Variants in KLHL5 observed in about 807,000 individuals in gnomAD.
KLHL5 encodes kelch like family member 5, also known as kelch-like protein 5.
In KLHL5, 48 loss-of-function variants were observed where a neutral mutation model predicts 77.7. That is an observed-to-expected ratio of 0.62 (90% confidence interval 0.49 to 0.79). The LOEUF (loss-of-function observed/expected upper bound fraction) is 0.79, where lower values mean the gene tolerates loss of function less well. Ranked by LOEUF, KLHL5 falls within the 30% of genes least tolerant of loss-of-function variation. The pLI is 0.00. For synonymous variants in KLHL5, 260 were observed against 297.0 expected (o/e 0.88, Z 1.28); for missense variants, 723 against 859.7 (o/e 0.84, Z 1.99).
At chr4:39,105,571 A>G (rs918321764) in intron 7 of KLHL5, among the ~76,000 whole-genome samples, 51 of 151,814 alleles carry the variant, frequency 3.4e-4, no homozygotes, top group Admixed American at 1.4e-3. Context: ...AGATATACAT[A>G]TATCATAAAC....
intron 5 of KLHL5, among the ~76,000 whole-genome samples, chr4:39,093,947 A>G (rs923365453): frequency 1.3e-5 from 2 of 152,140 alleles, no homozygotes; most frequent in African/African-American, 4.8e-5. Flanking sequence ...TCTTTATTGA[A>G]TATAATAAAA....
At chr4:39,044,959 G>C, upstream of KLHL5, 1 of 833,432 alleles carries the variant, frequency 1.2e-6, no homozygotes, top group Non-Finnish European at 1.3e-6. Context: ...GGATGAGGCT[G>C]CCCGGACAGG....
intron 5 of KLHL5, among the ~76,000 whole-genome samples, chr4:39,088,002 G>A (rs528543947): frequency 1.3e-5 from 2 of 152,288 alleles, no homozygotes; most frequent in East Asian, 1.9e-4. Context: ...TGCATGTGTT[G>A]ATGATAATTC....
intron 1 of KLHL5, among the ~76,000 whole-genome samples, chr4:39,066,496 G>A (rs1717902897): frequency 6.6e-6 from 1 of 152,078 alleles, no homozygotes; most frequent in African/African-American, 2.4e-5. Context: ...AAGTACAGAT[G>A]CCTCCTGACA....
Position 39,125,087 on chromosome 4 carries a change from T to C in KLHL5, c.*4021T>C, listed in dbSNP as rs1437609472. Among the ~76,000 whole-genome samples, 8 of 152,110 alleles carry C rather than the reference T, an allele frequency of 5.3e-5. No individual in the cohort carries two copies. On this transcript the variant is annotated 3_prime_UTR_variant, in exon 11 of 11. Coordinates refer to ENST00000504108, the MANE Select transcript of KLHL5 (RefSeq NM_015990.5). Reference sequence around the variant, plus strand: ...AAGCACTCAACCTCATCAGTCATTATGCAAATCAGCGCCACAAGAAGATAC... The same window carrying C: ...AAGCACTCAACCTCATCAGTCATTACGCAAATCAGCGCCACAAGAAGATAC...
At chr4:39,118,832 A>T (rs1175951472) in intron 10 of KLHL5, among the ~76,000 whole-genome samples, 1 of 152,166 alleles carries the variant, frequency 6.6e-6, no homozygotes, top group African/African-American at 2.4e-5. Flanking sequence ...AAAGATGAGA[A>T]TTTGAGTGTA....
At chr4:39,117,398 C>A (rs1004511473) in intron 10 of KLHL5, among the ~76,000 whole-genome samples, 3 of 151,990 alleles carry the variant, frequency 2.0e-5, no homozygotes, top group African/African-American at 7.2e-5. Context: ...AACTTTCAAC[C>A]AAGAGAATGA....
At chr4:39,075,195 G>A (rs1718895890) in intron 1 of KLHL5, among the ~76,000 whole-genome samples, 1 of 152,050 alleles carries the variant, frequency 6.6e-6, no homozygotes, top group South Asian at 2.1e-4. Flanking sequence ...GCTGGGCGTG[G>A]TGGTGCAAGC....
At chr4:39,109,805 T>G (rs1722323219) in intron 8 of KLHL5, among the ~76,000 whole-genome samples, 1 of 151,492 alleles carries the variant, frequency 6.6e-6, no homozygotes, top group Non-Finnish European at 1.5e-5. Flanking sequence ...TGCCTCAGCC[T>G]CCCAAGTATC....
chr4:39,066,787 C>G (rs1303223369), intron 1 of KLHL5, among the ~76,000 whole-genome samples: 1 of 152,152 alleles, frequency 6.6e-6, no homozygotes, highest in Non-Finnish European at 1.5e-5. Context: ...GTCTTCACAA[C>G]AAATTCTTGA....
chr4:39,099,915 T>C (rs1321014147), intron 6 of KLHL5, among the ~76,000 whole-genome samples: 2 of 152,218 alleles, frequency 1.3e-5, no homozygotes, highest in Non-Finnish European at 2.9e-5. Flanking sequence ...ACTTATTAAG[T>C]ATCATCTGTG....
intron 2 of KLHL5, among the ~76,000 whole-genome samples, chr4:39,080,655 G>T (rs957680860): frequency 6.6e-6 from 1 of 151,700 alleles, no homozygotes; most frequent in Admixed American, 6.6e-5. Flanking sequence ...AAAACAAAAT[G>T]CAGACTAAGA....
chr4:39,112,901 A>T, intron 8 of KLHL5, 119 bp from the exon 9 acceptor site: 1 of 775,266 alleles, frequency 1.3e-6, no homozygotes, highest in Non-Finnish European at 2.1e-6. Flanking sequence ...ACACATTGAC[A>T]GTGTGTTTTA....
downstream of KLHL5, among the ~76,000 whole-genome samples, chr4:39,130,026 T>C (rs893391843): frequency 4.6e-5 from 7 of 152,168 alleles, no homozygotes; most frequent in African/African-American, 1.2e-4. Context: ...TACAGTGTCA[T>C]GGTAGGATTA....
At chr4:39,093,056 C>T (rs923237290) in intron 5 of KLHL5, 14 of 455,244 alleles carry the variant, frequency 3.1e-5, no homozygotes, top group African/African-American at 2.8e-4. Context: ...CATAAACGTT[C>T]TTGGCAGCTT....
At chr4:39,102,395 AAAAAG>A in intron 6 of KLHL5, among the ~76,000 whole-genome samples, 1 of 151,330 alleles carries the variant, frequency 6.6e-6, no homozygotes, top group South Asian at 2.1e-4. Flanking sequence ...AAAAAAAAAA[AAAAAG>A]AAAAGAAAAA....
At chr4:39,107,313 G>A (rs1024578931) in intron 7 of KLHL5, among the ~76,000 whole-genome samples, 4 of 152,002 alleles carry the variant, frequency 2.6e-5, no homozygotes, top group South Asian at 2.1e-4. Context: ...CTCCCAAACC[G>A]CTGAGATTAC....
chr4:39,129,559 G>A (rs796969652), downstream of KLHL5, among the ~76,000 whole-genome samples: 17 of 152,246 alleles, frequency 1.1e-4, no homozygotes, highest in African/African-American at 3.9e-4. This position sits in a 1 kb window ranked among gnomAD's most constrained non-coding sequence, Gnocchi z 4.2. Context: ...TGTTACATAG[G>A]TATATTGTGT....
intron 2 of KLHL5, among the ~76,000 whole-genome samples, chr4:39,079,720 A>G (rs1719433641): frequency 6.6e-6 from 1 of 152,164 alleles, no homozygotes; most frequent in African/African-American, 2.4e-5. Context: ...TCTAAATGTA[A>G]GACTCCATAA....
Sources: gnomAD v4.1 joint callset for allele counts (sites outside exome capture counted in the v4.1 genomes callset) on GRCh38, gnomAD v4.1.1 for gene constraint, Gnocchi (gnomAD v3.1) non-coding constraint, MANE v1.5 for transcripts, NCBI Gene and HGNC (gene_info 2026-07-23, HGNC 2026-07-21) for gene names.